The following MIER3 variants were observed in gnomAD, a reference collection of about 807,000 sequenced individuals.
The protein encoded by MIER3 is MIER family member 3.
Under a neutral mutation model 63.2 loss-of-function variants are expected in MIER3, and 9 were observed. That is an observed-to-expected ratio of 0.14 (90% CI 0.09 to 0.25). MIER3 has a LOEUF of 0.25. Among genes scored for constraint, MIER3 ranks in the 10% least tolerant of loss-of-function variants. The pLI, the probability that MIER3 is intolerant of heterozygous loss-of-function variation, is 1.00. For synonymous variants in MIER3, 205 were observed against 224.9 expected (o/e 0.91, Z 0.79); for missense variants, 512 against 666.2 (o/e 0.77, Z 2.55).
intron 5 of MIER3, among the ~76,000 whole-genome samples, 157 bp from the exon 6 acceptor site, chr5:56,935,908 AG>A (rs1750427172): frequency 6.6e-6 from 1 of 152,252 alleles, no homozygotes; most frequent in East Asian, 1.9e-4. Context: ...GGTCAAAATG[AG>A]ACACTGAAAA....
intron 10 of MIER3, 115 bp downstream of exon 10, chr5:56,928,652 A>G: frequency 2.1e-6 from 1 of 486,150 alleles, no homozygotes; most frequent in Non-Finnish European, 3.5e-6. Context: ...GATATCTGAA[A>G]TGCTATAAGG....
intron 4 of MIER3, chr5:56,938,482 C>A: frequency 2.4e-6 from 1 of 421,286 alleles, no homozygotes; most frequent in South Asian, 1.8e-5. Flanking sequence ...GCCGCTGTCA[C>A]TCCCAGAGCC....
At position 56,921,058 on chromosome 5, in the gene MIER3, T is replaced by G. The variant is rs1749649124; in HGVS notation, c.*2070A>C. ...CTTTAGATAAGAAACACTGTTTCCA[T>G]CTTATATCAAGACCCCAGCAATGCA... On this transcript the variant is annotated 3_prime_UTR_variant, in exon 13 of 13. Transcript: ENST00000381199. 1 of 152,570 alleles carries G rather than the reference T, an allele frequency of 6.6e-6. No individual in the cohort carries two copies. The highest frequency in any genetic ancestry group is 1.5e-5 in the Non-Finnish European group (1 of 67,968). 9.5% of individuals were successfully genotyped at this position (152,570 alleles called of 1,614,324 possible).
At chr5:56,923,861 G>A (rs371103463) in intron 11 of MIER3, 28 bp from the exon 12 acceptor site, 378 of 1,613,890 alleles carry the variant, frequency 2.3e-4, no homozygotes, top group Non-Finnish European at 3.0e-4. Context: ...GTAATTTTAT[G>A]ACTATATATT....
rs1749767997 is a variant in MIER3, at chr5:56,923,310, A to G, written c.1471T>C (p.Ser491Pro). ...RLKMGIAVPE[S>P]FMNEVSVNNL... ...TTTACAGAAACTTCATTCATAAAGG[A>G]TTCAGGGACGGCAATGCCCATTTTC... Residue 491 changes from serine (S) to proline (P), a missense_variant, in exon 13 of 13, where the codon TCC becomes CCC. Around this residue, in one of 5 missense-constraint regions of MIER3, gnomAD observed 218 missense variants for 251.2 expected, o/e 0.87. Transcript: ENST00000381199. 6.2e-7 allele frequency: 1 copy of G among 1,614,090 alleles called. No individual in the cohort carries two copies. The highest frequency in any genetic ancestry group is 1.3e-5 in the African/African-American group (1 of 74,938).
chr5:56,936,619 T>A (rs1750456596), intron 5 of MIER3, among the ~76,000 whole-genome samples: 1 of 152,108 alleles, frequency 6.6e-6, no homozygotes, highest in Admixed American at 6.5e-5. Flanking sequence ...TCAGTGATCC[T>A]CCTACCTCAG....
rs564550295 is a variant in MIER3, at chr5:56,944,775, T to C, written c.180+2151A>G. ...GGCACAATCATAGCTCACTGCAACC[T>C]TGAACTTCTGGGATGATCAAGTGAT... On this transcript the variant is annotated intron_variant, in intron 3 of 12. Coordinates refer to ENST00000381199, the MANE Select transcript of MIER3 (RefSeq NM_001297599.2). Among the ~76,000 whole-genome samples the C allele has an allele frequency of 3.3e-5, 5 of 152,256 alleles. No homozygotes were observed. The East Asian group carries it at 7.7e-4, about 24-fold the overall frequency.
intron 3 of MIER3, among the ~76,000 whole-genome samples, chr5:56,945,851 T>A (rs6887094): frequency 0.059 from 8,958 of 152,274 alleles, 897 homozygotes; most frequent in African/African-American, 0.2. Context: ...GAGAATACAC[T>A]ATTTCAAGTG....
Position 56,939,033 on chromosome 5 carries a change from C to T in MIER3, c.181-16G>A, listed in dbSNP as rs1326919038. 6.2e-7 allele frequency: 1 copy of T among 1,613,096 alleles called. No individual in the cohort carries two copies. The highest frequency in any genetic ancestry group is 1.7e-5 in the Admixed American group (1 of 59,984). Reference sequence around the variant, plus strand: ...TGGTTCCTTCCTGTTCAAGCCAGGGCATAAACACGGACTCAGCAGATGTCA... The same window carrying T: ...TGGTTCCTTCCTGTTCAAGCCAGGGTATAAACACGGACTCAGCAGATGTCA... On this transcript the variant is annotated splice_polypyrimidine_tract_variant and intron_variant, in intron 3 of 12. Coordinates refer to ENST00000381199, the MANE Select transcript of MIER3 (RefSeq NM_001297599.2).
chr5:56,947,146 T>C (rs1750853563), intron 2 of MIER3, 75 bp from the exon 3 acceptor site: 9 of 1,444,672 alleles, frequency 6.2e-6, no homozygotes, highest in Non-Finnish European at 8.4e-6. Context: ...TTTGTGTTCT[T>C]CTGCCAGTCC....
rs1749772917 is a variant in MIER3, at chr5:56,923,381, G to C, written c.1400C>G (p.Pro467Arg). Residue 467 changes from proline (P) to arginine (R), a missense_variant, in exon 13 of 13, where the codon CCT (proline) becomes CGT (arginine). By Grantham distance (103) the Pro-to-Arg change is moderately radical (BLOSUM62 -2). Around this residue, in one of 5 missense-constraint regions of MIER3, gnomAD observed 218 missense variants for 251.2 expected, o/e 0.87. Transcript: ENST00000381199. ...TGACTCTTCACTGCACATGTTCATA[G>C]GGTTTAGCTCCGAGTGATAAAATCC... ...ETGFYHSELN[P>R]MNMCSEESER... 1.9e-6 allele frequency: 3 copies of C among 1,614,170 alleles called. No homozygotes were observed. Among genetic ancestry groups the C allele is most frequent in the Middle Eastern group, 1.6e-4 (1 of 6,062 alleles).
chr5:56,942,861 C>T (rs1271141404), intron 3 of MIER3, among the ~76,000 whole-genome samples: 1 of 152,132 alleles, frequency 6.6e-6, no homozygotes, highest in African/African-American at 2.4e-5. Flanking sequence ...TATTGGTGAC[C>T]TGGGACAAGC....
intron 7 of MIER3, among the ~76,000 whole-genome samples, chr5:56,934,662 C>T (rs1013878046): frequency 6.6e-6 from 1 of 152,134 alleles, no homozygotes; most frequent in Admixed American, 6.6e-5. Flanking sequence ...CCATGGCTAA[C>T]AACCCCAGGG....
At chr5:56,924,233 G>A (rs1749842700) in intron 10 of MIER3, among the ~76,000 whole-genome samples, 191 bp from the exon 11 acceptor site, 1 of 151,490 alleles carries the variant, frequency 6.6e-6, no homozygotes, top group South Asian at 2.1e-4. Context: ...TAATAATGAG[G>A]CCATTTTCGA....
intron 6 of MIER3, 71 bp downstream of exon 6, chr5:56,935,595 C>A: frequency 6.5e-7 from 1 of 1,530,142 alleles, no homozygotes. Flanking sequence ...GTCAAAACAA[C>A]AAAATTATCA....
chr5:56,952,123 C>T lies in MIER3; in HGVS notation c.-21G>A. ...GCCATATTGGTACCTTTAGGGCGAA[C>T]GAGCAGCGCCGAGCCCAGTCCCCGG... is the stretch of plus-strand genomic sequence containing the variant. On this transcript the variant is annotated 5_prime_UTR_variant, in exon 1 of 13. Coordinates refer to ENST00000381199, the MANE Select transcript of MIER3 (RefSeq NM_001297599.2). The T allele has an allele frequency of 1.6e-6, 2 of 1,251,876 alleles. No individual in the cohort carries two copies. The highest frequency in any genetic ancestry group is 3.7e-5 in the Admixed American group (1 of 27,324). The allele number at this position is 1,251,876 out of a possible 1,614,324, so 77.5% of individuals were successfully genotyped here. A position where few individuals can be genotyped will look rare whatever the true frequency, so the allele number is the denominator to read the frequency against.
At chr5:56,951,456 G>A (rs571439325) in intron 1 of MIER3, among the ~76,000 whole-genome samples, 1 of 152,216 alleles carries the variant, frequency 6.6e-6, no homozygotes, top group South Asian at 2.1e-4. Flanking sequence ...TGGAGAGGGC[G>A]TCGAGGGTCT....
chr5:56,929,660 C>G (rs1247150665), intron 9 of MIER3: 4 of 152,160 alleles, frequency 2.6e-5, no homozygotes, highest in Non-Finnish European at 2.9e-5. Flanking sequence ...GTGTGGAGTG[C>G]TATACTCTGG....
chr5:56,926,823 C>G (rs1750007707), intron 10 of MIER3, among the ~76,000 whole-genome samples: 1 of 152,062 alleles, frequency 6.6e-6, no homozygotes, highest in South Asian at 2.1e-4. Context: ...ACCAAGGTAT[C>G]CTCTAACAGG....
Sources: allele counts gnomAD v4.1 joint callset (sites outside exome capture counted in the v4.1 genomes callset), GRCh38; gene constraint gnomAD v4.1.1; regional missense constraint gnomAD v4.1.1; transcripts MANE v1.5; gene names NCBI Gene and HGNC (gene_info 2026-07-23, HGNC 2026-07-21).